EEIG2: variants seen among roughly 807,000 people sequenced by gnomAD.
The protein encoded by EEIG2 is family with sequence similarity 102 member B.
the EEIG2 span, among the ~76,000 whole-genome samples, chr1:108,569,112 T>G: frequency 2.0e-5 from 3 of 152,222 alleles, no homozygotes; most frequent in Non-Finnish European, 4.4e-5. Context: ...TAGACTATGC[T>G]GGGTGCAGCT....
At chr1:108,598,907 C>T in the EEIG2 span, among the ~76,000 whole-genome samples, 3 of 151,958 alleles carry the variant, frequency 2.0e-5, no homozygotes, top group Non-Finnish European at 4.4e-5. Context: ...ACAAGAGTAT[C>T]GTAATCCTGA....
the EEIG2 span, among the ~76,000 whole-genome samples, chr1:108,590,963 A>G: frequency 6.6e-6 from 1 of 152,178 alleles, no homozygotes; most frequent in Non-Finnish European, 1.5e-5. Context: ...TTGAAACACA[A>G]GGCCATAGCA....
chr1:108,595,599 A>G, the EEIG2 span, among the ~76,000 whole-genome samples: 2 of 132,836 alleles, frequency 1.5e-5, no homozygotes, highest in Non-Finnish European at 1.6e-5. Flanking sequence ...AGGGAGATGT[A>G]GTAGCTTTTA....
the EEIG2 span, among the ~76,000 whole-genome samples, chr1:108,608,802 G>A: frequency 2.6e-5 from 4 of 152,330 alleles, no homozygotes; most frequent in East Asian, 3.9e-4. Context: ...TTTAAACAAC[G>A]TTTATTTCCT....
chr1:108,593,377 C>T, the EEIG2 span, among the ~76,000 whole-genome samples: 19 of 152,166 alleles, frequency 1.2e-4, no homozygotes, highest in African/African-American at 4.3e-4. Flanking sequence ...GGGTATGTTT[C>T]AACTGTCCCT....
At chr1:108,597,854 T>A in the EEIG2 span, among the ~76,000 whole-genome samples, 17 of 152,312 alleles carry the variant, frequency 1.1e-4, no homozygotes, top group East Asian at 2.3e-3. Context: ...TAAATGTTAT[T>A]TCTTGATATC....
the EEIG2 span, chr1:108,600,590 TC>T: frequency 6.2e-7 from 1 of 1,612,326 alleles, no homozygotes; most frequent in South Asian, 1.1e-5. Flanking sequence ...CAAACTGTGT[TC>T]GCTGGAGAAA....
the EEIG2 span, among the ~76,000 whole-genome samples, chr1:108,592,598 C>G: frequency 1.3e-5 from 2 of 152,088 alleles, no homozygotes; most frequent in East Asian, 1.9e-4. Context: ...GGAAGTGAAT[C>G]AGAGCTTATT....
At chr1:108,623,838 A>AT in the EEIG2 span, among the ~76,000 whole-genome samples, 2 of 151,842 alleles carry the variant, frequency 1.3e-5, no homozygotes, top group African/African-American at 4.8e-5. Context: ...CACCCGTCTA[A>AT]TTTTTGTATT....
the EEIG2 span, chr1:108,635,433 C>A: frequency 2.7e-6 from 1 of 370,448 alleles, no homozygotes; most frequent in Non-Finnish European, 5.0e-6. Context: ...TCTTTCAGAA[C>A]ACCCCAGCGG....
At chr1:108,616,128 T>C in the EEIG2 span, among the ~76,000 whole-genome samples, 94 of 150,280 alleles carry the variant, frequency 6.3e-4, 2 homozygotes, top group East Asian at 0.012. Flanking sequence ...CTTCTTCTTT[T>C]TTTTTTTTTT....
the EEIG2 span, among the ~76,000 whole-genome samples, chr1:108,601,229 A>G: frequency 2.0e-5 from 3 of 152,098 alleles, no homozygotes; most frequent in Non-Finnish European, 4.4e-5. Context: ...ATCTAAAAAA[A>G]AAATGGTAAT....
the EEIG2 span, among the ~76,000 whole-genome samples, chr1:108,629,059 G>A: frequency 6.6e-6 from 1 of 152,162 alleles, no homozygotes; most frequent in South Asian, 2.1e-4. Flanking sequence ...TTTTAATTAT[G>A]CCTAGATGTC....
chr1:108,604,734 A>G, the EEIG2 span, among the ~76,000 whole-genome samples: 1 of 152,002 alleles, frequency 6.6e-6, no homozygotes, highest in African/African-American at 2.4e-5. Context: ...TAATCTGAAG[A>G]GCTATTATAA....
chr1:108,561,907 C>T, the EEIG2 span, among the ~76,000 whole-genome samples: 1 of 152,200 alleles, frequency 6.6e-6, no homozygotes, highest in Non-Finnish European at 1.5e-5. Flanking sequence ...GGCAGTTAGA[C>T]TGGCGCTCCT....
At chr1:108,606,336 C>A in the EEIG2 span, 1 of 885,024 alleles carries the variant, frequency 1.1e-6, no homozygotes, top group Non-Finnish European at 1.7e-6. Flanking sequence ...ATTGTTTACT[C>A]TTCTAATATC....
the EEIG2 span, chr1:108,606,188 T>C: frequency 2.9e-6 from 4 of 1,373,320 alleles, no homozygotes; most frequent in Non-Finnish European, 4.0e-6. Context: ...TCTTTCATTA[T>C]GTGATATCCT....
At chr1:108,585,048 A>G in the EEIG2 span, among the ~76,000 whole-genome samples, 2 of 152,204 alleles carry the variant, frequency 1.3e-5, no homozygotes, top group Admixed American at 1.3e-4. Flanking sequence ...AAACAAAATC[A>G]TCAAACTAGG....
At chr1:108,606,287 G>A in the EEIG2 span, 1 of 1,447,634 alleles carries the variant, frequency 6.9e-7, no homozygotes, top group Non-Finnish European at 9.4e-7. Flanking sequence ...TTTGGAACAT[G>A]TAATGTTGCT....
Sources: gnomAD v4.1 joint callset for allele counts (sites outside exome capture counted in the v4.1 genomes callset) on GRCh38, gnomAD v4.1.1 for gene constraint, MANE v1.5 for transcripts, NCBI Gene and HGNC (gene_info 2026-07-23, HGNC 2026-07-21) for gene names.